The following GPR137B variants were observed in gnomAD, a reference collection of about 807,000 sequenced individuals.
The protein encoded by GPR137B is integral membrane protein GPR137B.
Under a neutral mutation model 42.5 loss-of-function variants are expected in GPR137B, and 42 were observed. The ratio of observed to expected loss-of-function variants is 0.99; its 90% CI spans 0.77 to 1.28. The LOEUF is 1.28. GPR137B is among the 50% of genes most tolerant of loss of function. The probability of loss-of-function intolerance (pLI) is 0.00; values close to 1 mark genes in which losing one functional copy is unlikely to be tolerated. For missense variants in GPR137B, 487 were observed against 493.9 expected, an observed-to-expected ratio of 0.99 and a Z score of 0.13; for synonymous variants, 218 against 209.7, an observed-to-expected ratio of 1.04 and a Z score of -0.34.
chr1:236,192,485 A>G (rs981986781), intron 5 of GPR137B, among the ~76,000 whole-genome samples: 7 of 152,188 alleles, frequency 4.6e-5, no homozygotes, highest in African/African-American at 1.4e-4. Flanking sequence ...CACCAGAGGG[A>G]ATCTCCTGGT....
chr1:236,148,734 C>T (rs1366390351), intron 1 of GPR137B, among the ~76,000 whole-genome samples: 7 of 152,152 alleles, frequency 4.6e-5, no homozygotes, highest in Middle Eastern at 3.4e-3. Context: ...GCCAGGGGCT[C>T]GTGGTGAGGG....
chr1:236,190,157 T>C (rs1663150453), intron 5 of GPR137B, among the ~76,000 whole-genome samples: 1 of 150,850 alleles, frequency 6.6e-6, no homozygotes. Flanking sequence ...TCTTTTTTTT[T>C]TTTTTTTTTT....
At position 236,166,492 on chromosome 1, in the gene GPR137B, AC is replaced by A. The variant is rs1318383399; in HGVS notation, c.415-2213del. On this transcript the variant is annotated intron_variant, in intron 1 of 6. Coordinates refer to ENST00000366592, the MANE Select transcript of GPR137B (RefSeq NM_003272.4). ...ATATACATTATATATATTTATATAT[AC>A]ATATATATATTTATATATATACATT... Among the ~76,000 whole-genome samples, 138 of 127,170 alleles carry A rather than the reference AC, an allele frequency of 1.1e-3. 1 individual carries two copies. Among genetic ancestry groups the A allele is most frequent in the African/African-American group, 2.8e-3 (62 of 21,942 alleles). 83.4% of individuals were successfully genotyped at this position (127,170 alleles called of 152,430 possible).
At chr1:236,165,223 C>T (rs1186674997) in intron 1 of GPR137B, among the ~76,000 whole-genome samples, 1 of 152,154 alleles carries the variant, frequency 6.6e-6, no homozygotes, top group Non-Finnish European at 1.5e-5. Context: ...AGATATATTG[C>T]CACAAATTAT....
At chr1:236,177,014 G>C (rs1489902681) in intron 2 of GPR137B, among the ~76,000 whole-genome samples, 1 of 152,148 alleles carries the variant, frequency 6.6e-6, no homozygotes, top group East Asian at 1.9e-4. Context: ...GGTACAGGGA[G>C]GGTCAGGGGT....
At chr1:236,192,386 A>C (rs1459810070) in intron 5 of GPR137B, among the ~76,000 whole-genome samples, 2 of 151,728 alleles carry the variant, frequency 1.3e-5, no homozygotes, top group Admixed American at 1.3e-4. Flanking sequence ...GAAAAAAAAA[A>C]AAACAAAAAA....
At chr1:236,169,907 G>A (rs1662482532) in intron 2 of GPR137B, among the ~76,000 whole-genome samples, 1 of 152,076 alleles carries the variant, frequency 6.6e-6, no homozygotes, top group Admixed American at 6.5e-5. Flanking sequence ...GGGCGAGGTA[G>A]CGCACATCTG....
chr1:236,159,060 C>G (rs1211100006), intron 1 of GPR137B, among the ~76,000 whole-genome samples: 1 of 152,122 alleles, frequency 6.6e-6, no homozygotes, highest in African/African-American at 2.4e-5. Flanking sequence ...GATTGTAACC[C>G]AGCTACTCAG....
At chr1:236,148,623 G>T (rs1318366494) in intron 1 of GPR137B, among the ~76,000 whole-genome samples, 1 of 152,164 alleles carries the variant, frequency 6.6e-6, no homozygotes, top group African/African-American at 2.4e-5. Context: ...CATTTATCGG[G>T]GTCTGGTCTG....
chr1:236,144,137 C>T (rs1661617356), intron 1 of GPR137B, among the ~76,000 whole-genome samples: 2 of 151,782 alleles, frequency 1.3e-5, no homozygotes, highest in African/African-American at 4.9e-5. Context: ...AGAAAGAGGC[C>T]GTATGCGGTG....
intron 1 of GPR137B, among the ~76,000 whole-genome samples, chr1:236,154,829 C>T (rs370154654): frequency 1.4e-4 from 22 of 152,184 alleles, no homozygotes; most frequent in African/African-American, 5.1e-4. Context: ...CACTGCCGCA[C>T]GTGGCCCGGG....
chr1:236,180,406 C>G (rs66678167), intron 4 of GPR137B, among the ~76,000 whole-genome samples: 11,600 of 152,168 alleles, frequency 0.076, 1,316 homozygotes, highest in African/African-American at 0.25. Flanking sequence ...ACATGGGAGA[C>G]AAGTCCATGG....
rs1358187356 is a variant in GPR137B at position 236,155,558 on chromosome 1, TC to T, written c.414+12523del. Reference sequence around the variant, plus strand: ...GTGTGCTCTCTAGAGTCCCGTCTCCTCGCGGGCTGCCTGCTGGGCTGACTTA... The same window carrying T: ...GTGTGCTCTCTAGAGTCCCGTCTCCTGCGGGCTGCCTGCTGGGCTGACTTA... On this transcript the variant is annotated intron_variant, in intron 1 of 6. Coordinates refer to ENST00000366592, the MANE Select transcript of GPR137B (RefSeq NM_003272.4). The surrounding 1 kb of genome is among the most constrained non-coding windows in gnomAD (Gnocchi z 4.6). 2.6e-5 allele frequency among the ~76,000 whole-genome samples: 4 copies of T among 152,062 alleles called. No homozygotes were observed. Among genetic ancestry groups the T allele is most frequent in the Non-Finnish European group, 5.9e-5 (4 of 67,980 alleles).
intron 4 of GPR137B, among the ~76,000 whole-genome samples, chr1:236,181,573 A>C (rs924656008): frequency 6.6e-6 from 1 of 152,228 alleles, no homozygotes; most frequent in Non-Finnish European, 1.5e-5. Context: ...TAAATCTTCT[A>C]ACATCTCAAT....
rs959490423 is a variant in GPR137B at position 236,156,599 on chromosome 1, C to G, written c.415-12107C>G. The stretch of plus-strand genomic sequence containing the variant: ...TGGAGACTGAGCCTCAAATGCAGAT[C>G]CCCTCCCCGCCGCAGAGCCGCCTTG... On this transcript the variant is annotated intron_variant, in intron 1 of 6. Transcript: ENST00000366592. This position sits in a 1 kb window ranked among gnomAD's most constrained non-coding sequence, Gnocchi z 4.8. 1.1e-4 allele frequency among the ~76,000 whole-genome samples: 16 copies of G among 152,288 alleles called. No individual in the cohort carries two copies. The highest frequency in any genetic ancestry group is 3.1e-4 in the African/African-American group (13 of 41,560).
chr1:236,176,841 G>A (rs544275405), intron 2 of GPR137B, among the ~76,000 whole-genome samples: 2 of 152,188 alleles, frequency 1.3e-5, no homozygotes, highest in Non-Finnish European at 1.5e-5. Context: ...CATTTTCCAC[G>A]GGACTTTCTG....
intron 1 of GPR137B, among the ~76,000 whole-genome samples, chr1:236,158,739 A>AC (rs1201527252): frequency 6.6e-6 from 1 of 152,028 alleles, no homozygotes; most frequent in African/African-American, 2.4e-5. Flanking sequence ...ATCAGGATGC[A>AC]CCCCCTTTTA....
intron 1 of GPR137B, among the ~76,000 whole-genome samples, chr1:236,144,654 A>C (rs968725189): frequency 3.9e-5 from 6 of 152,262 alleles, no homozygotes; most frequent in Non-Finnish European, 8.8e-5. Flanking sequence ...TACAACCTTT[A>C]AACCTGCAAA....
At chr1:236,176,059 G>A (rs1260339820) in intron 2 of GPR137B, among the ~76,000 whole-genome samples, 4 of 152,046 alleles carry the variant, frequency 2.6e-5, no homozygotes, top group Non-Finnish European at 5.9e-5. Context: ...GTGGGAGCCC[G>A]GCATGGCATT....
Sources: allele counts gnomAD v4.1 joint callset (sites outside exome capture counted in the v4.1 genomes callset), GRCh38; gene constraint gnomAD v4.1.1; non-coding constraint Gnocchi (gnomAD v3.1); transcripts MANE v1.5; gene names NCBI Gene and HGNC (gene_info 2026-07-23, HGNC 2026-07-21).